Variants in CPT1C observed in about 807,000 individuals in gnomAD.
CPT1C encodes palmitoyl thioesterase CPT1C.
A neutral mutation model predicts 97.3 loss-of-function variants in CPT1C; 61 were observed. The ratio of observed to expected loss-of-function variants is 0.63; its 90% CI spans 0.51 to 0.78. CPT1C has a LOEUF of 0.78. CPT1C is among the 30% of genes least tolerant of loss of function. The pLI is 0.00. For synonymous variants in CPT1C, 469 were observed against 447.2 expected (o/e 1.05, Z -0.61); for missense variants, 975 against 1,065.5 (o/e 0.92, Z 1.18).
chr19:49,695,554 G>T (rs796778168), intron 3 of CPT1C, among the ~76,000 whole-genome samples: 5 of 149,670 alleles, frequency 3.3e-5, no homozygotes, highest in African/African-American at 1.2e-4. Context: ...CAGAGTGCTG[G>T]GACTACAGGC....
At chr19:49,690,720 A>G (rs764323154), upstream of CPT1C, 2 of 478,822 alleles carry the variant, frequency 4.2e-6, no homozygotes, top group Non-Finnish European at 7.2e-6. The surrounding 1 kb of genome is among the most constrained non-coding windows in gnomAD (Gnocchi z 4.4). Context: ...TTTCTTGCCA[A>G]CTCAATCCAT....
chr19:49,711,929 T>A lies in CPT1C; in HGVS notation c.1987T>A (p.Phe663Ile), dbSNP rs1209702858. The A allele has an allele frequency of 6.2e-7, 1 of 1,614,102 alleles. No homozygotes were observed. The highest frequency in any genetic ancestry group is 1.7e-5 in the Admixed American group (1 of 60,018). Residue 663 changes from phenylalanine (F) to isoleucine (I), a missense_variant, in exon 17 of 20, where the codon TTC (phenylalanine) becomes ATC (isoleucine). By Grantham distance (21) the Phe-to-Ile change is conservative. Around this residue, in one of 3 missense-constraint regions of CPT1C, gnomAD observed 344 missense variants for 395.7 expected, o/e 0.87. Coordinates refer to ENST00000598293, the MANE Select transcript of CPT1C (RefSeq NM_001199753.2). Reference sequence around the variant, plus strand: ...GTTTGCGCTGTACATCGTGTCCCGATTCCTCCACCTGCAGTCGCCCTTCCT... The same window carrying A: ...GTTTGCGCTGTACATCGTGTCCCGAATCCTCCACCTGCAGTCGCCCTTCCT... ...HLFALYIVSRFLHLQSPFLTQ... is the reference protein window; with the variant it reads ...HLFALYIVSRILHLQSPFLTQ...
At chr19:49,694,091 TAAA>T (rs2082515835) in intron 3 of CPT1C, among the ~76,000 whole-genome samples, 2 of 68,870 alleles carry the variant, frequency 2.9e-5, no homozygotes, top group Non-Finnish European at 4.9e-5. Flanking sequence ...AAATAAAAAA[TAAA>T]TAAATAAATA....
chr19:49,700,584 T>C (rs1310706982), intron 4 of CPT1C, 100 bp from the exon 5 acceptor site: 1 of 1,345,966 alleles, frequency 7.4e-7, no homozygotes, highest in African/African-American at 1.4e-5. Flanking sequence ...TTTCTCTGTC[T>C]GACAGCCAAA....
At chr19:49,701,977 A>AATATT (rs1568520576) in intron 7 of CPT1C, among the ~76,000 whole-genome samples, 37 of 72,232 alleles carry the variant, frequency 5.1e-4, no homozygotes, top group African/African-American at 3.4e-3. Context: ...TAAATTTATA[A>AATATT]ATAAATATAT....
At chr19:49,702,670 AT>A (rs1415129428) in intron 7 of CPT1C, among the ~76,000 whole-genome samples, 3 of 151,764 alleles carry the variant, frequency 2.0e-5, no homozygotes, top group African/African-American at 7.3e-5. Flanking sequence ...AAGGAGTTGA[AT>A]GGTGAGGAGT....
At position 49,705,329 on chromosome 19, in the gene CPT1C, G is replaced by A. The variant is rs1218925627; in HGVS notation, c.964+31G>A. On this transcript the variant is annotated intron_variant, in intron 10 of 19. Transcript: ENST00000598293. ...ACCCTCTCCTGTCCCCACTGATGGA[G>A]GCAGAACAATATAGTGGCTAAGAGC... is the stretch of plus-strand genomic sequence containing the variant. 4.6e-6 allele frequency: 7 copies of A among 1,537,160 alleles called. No homozygotes were observed. In the South Asian group the frequency reaches 7.2e-5, roughly 16 times the overall value.
At chr19:49,694,304 G>A (rs1431146919) in intron 3 of CPT1C, among the ~76,000 whole-genome samples, 2 of 151,940 alleles carry the variant, frequency 1.3e-5, no homozygotes, top group African/African-American at 4.8e-5. Flanking sequence ...AAATCGGGTA[G>A]AGAAGAGTGA....
chr19:49,694,748 T>C (rs576319245), intron 3 of CPT1C, among the ~76,000 whole-genome samples: 153 of 152,154 alleles, frequency 1.0e-3, no homozygotes, highest in African/African-American at 3.6e-3. Flanking sequence ...TCTGTTCCAG[T>C]TGGCAAACAG....
At position 49,703,070 on chromosome 19, in the gene CPT1C, T is replaced by TACAC. The variant is rs72113209; in HGVS notation, c.693+1463_693+1466dup. ...TCACACTTTTGGACAAGATTCTGTT[T>TACAC]ACACACACACACACACACACACACA... On this transcript the variant is annotated intron_variant, in intron 7 of 19. Transcript: ENST00000598293. 3.6e-3 allele frequency among the ~76,000 whole-genome samples: 522 copies of TACAC among 144,334 alleles called. 1 individual carries two copies. Among genetic ancestry groups the TACAC allele is most frequent in the Middle Eastern group, 6.9e-3 (2 of 288 alleles). 94.7% of individuals were successfully genotyped at this position (144,334 alleles called of 152,430 possible). A position where few individuals can be genotyped will look rare whatever the true frequency, so the allele number is the denominator to read the frequency against.
Position 49,706,223 on chromosome 19 carries a change from C to T in CPT1C, c.1161-8C>T, listed in dbSNP as rs1363448666. On this transcript the variant is annotated splice_polypyrimidine_tract_variant and splice_region_variant and intron_variant, in intron 11 of 19. Transcript: ENST00000598293. The surrounding 1 kb of genome is among the most constrained non-coding windows in gnomAD (Gnocchi z 4.8). Reference sequence around the variant, plus strand: ...AGGATGGACTCAGGCACATCCCGGGCCCTCCAGGGGCACGTGGGCCCAGGT... The same window carrying T: ...AGGATGGACTCAGGCACATCCCGGGTCCTCCAGGGGCACGTGGGCCCAGGT... 7 of 1,533,774 alleles carry T rather than the reference C, an allele frequency of 4.6e-6. No individual in the cohort carries two copies. Among genetic ancestry groups the T allele is most frequent in the Non-Finnish European group, 4.4e-6 (5 of 1,141,946 alleles).
intron 7 of CPT1C, among the ~76,000 whole-genome samples, chr19:49,701,934 AT>A (rs2083107802): frequency 1.1e-5 from 1 of 87,726 alleles, no homozygotes; most frequent in South Asian, 2.8e-4. Flanking sequence ...AAATATTAAT[AT>A]TTATAAATTT....
chr19:49,706,334 G>A lies in CPT1C; in HGVS notation c.1264G>A (p.Ala422Thr), dbSNP rs777837083. 47 of 1,524,890 alleles carry A rather than the reference G, an allele frequency of 3.1e-5. No individual in the cohort carries two copies. The highest frequency in any genetic ancestry group is 2.2e-4 in the Admixed American group (9 of 41,080). 94.5% of individuals were successfully genotyped at this position (1,524,890 alleles called of 1,614,324 possible). Residue 422 changes from alanine to threonine, a missense_variant, in exon 12 of 20, where the codon GCG becomes ACG. Coordinates refer to ENST00000598293, the MANE Select transcript of CPT1C (RefSeq NM_001199753.2). This position sits in a 1 kb window ranked among gnomAD's most constrained non-coding sequence, Gnocchi z 4.8. Reference protein sequence around the residue: ...AFFVSLDAEPAGLTREDPAAS... With the variant: ...AFFVSLDAEPTGLTREDPAAS... Reference sequence around the variant, plus strand: ...CTTTGTGTCACTGGATGCTGAGCCCGCGGGGCTCACCAGGGAGGACCCGGC... The same window carrying A: ...CTTTGTGTCACTGGATGCTGAGCCCACGGGGCTCACCAGGGAGGACCCGGC...
chr19:49,713,018 G>T lies in CPT1C; in HGVS notation c.2180G>T (p.Gly727Val). 1 of 1,614,072 alleles carries T rather than the reference G, an allele frequency of 6.2e-7. No homozygotes were observed. The highest frequency in any genetic ancestry group is 8.5e-7 in the Non-Finnish European group (1 of 1,179,992). ...GTTTCTTATATCTTCATGGGGGATG[G>T]CATGATCACCTTCCACATCTCCAGC... ...YGVSYIFMGD[G>V]MITFHISSKK... Residue 727 changes from glycine (G) to valine (V), a missense_variant, in exon 19 of 20, where the codon GGC becomes GTC. Gly to Val is a moderately radical substitution (Grantham distance 109). Transcript: ENST00000598293.
intron 3 of CPT1C, among the ~76,000 whole-genome samples, chr19:49,695,700 T>C (rs2082632170): frequency 6.7e-6 from 1 of 149,692 alleles, no homozygotes; most frequent in African/African-American, 2.5e-5. Context: ...TTCTCCTGCC[T>C]CAGCCTCCAA....
rs757561909 is a variant in CPT1C at position 49,713,465 on chromosome 19, G to A, written c.2272G>A (p.Val758Met). Reference sequence around the variant, plus strand: ...GCACATTGAGGACGCACTGCTGGATGTGGCCTCCCTGTTCCAGGCGGGACA... The same window carrying A: ...GCACATTGAGGACGCACTGCTGGATATGGCCTCCCTGTTCCAGGCGGGACA... ...GQHIEDALLD[V>M]ASLFQAGQHF... Residue 758 changes from valine (V) to methionine (M), a missense_variant, in exon 20 of 20, where the codon GTG becomes ATG. Val to Met is a conservative substitution (Grantham distance 21, BLOSUM62 1). Coordinates refer to ENST00000598293, the MANE Select transcript of CPT1C (RefSeq NM_001199753.2). The A allele has an allele frequency of 4.3e-6, 7 of 1,614,208 alleles. No homozygotes were observed. Among genetic ancestry groups the A allele is most frequent in the Admixed American group, 1.7e-5 (1 of 60,016 alleles).
intron 14 of CPT1C, among the ~76,000 whole-genome samples, chr19:49,709,950 G>A (rs1261850097): frequency 1.3e-5 from 2 of 152,078 alleles, no homozygotes; most frequent in Admixed American, 6.6e-5. Context: ...GGGTTCAAGC[G>A]ATTCTCCTGC....
At chr19:49,710,648 G>C in intron 15 of CPT1C, 75 bp from the exon 16 acceptor site, 1 of 1,583,822 alleles carries the variant, frequency 6.3e-7, no homozygotes, top group Non-Finnish European at 8.6e-7. Context: ...CTGGAGGTCT[G>C]GACAGAGATA....
At position 49,692,455 on chromosome 19, in the gene CPT1C, G is replaced by A. The variant is rs925788505; in HGVS notation, c.141+62G>A. 3 of 1,590,178 alleles carry A rather than the reference G, an allele frequency of 1.9e-6. No homozygotes were observed. The African/African-American group carries it at 4.0e-5, about 21-fold the overall frequency. ...CCAGGTTTCTGCTTCCGGGATGTCT[G>A]AGGCTCACTTCCGGCATTTCAGCTG... On this transcript the variant is annotated intron_variant, in intron 3 of 19. Coordinates refer to ENST00000598293, the MANE Select transcript of CPT1C (RefSeq NM_001199753.2).
Sources: gnomAD v4.1 joint callset for allele counts (sites outside exome capture counted in the v4.1 genomes callset) on GRCh38, gnomAD v4.1.1 for gene constraint, gnomAD v4.1.1 regional missense constraint, Gnocchi (gnomAD v3.1) non-coding constraint, MANE v1.5 for transcripts, NCBI Gene and HGNC (gene_info 2026-07-23, HGNC 2026-07-21) for gene names.